The following STXBP4 variants were observed in gnomAD, a reference collection of about 807,000 sequenced individuals.
STXBP4 encodes the protein syntaxin binding protein 4.
In STXBP4, 55 loss-of-function variants were observed where a neutral mutation model predicts 76.1. The ratio of observed to expected loss-of-function variants is 0.72; its 90% CI spans 0.58 to 0.91. STXBP4 has a LOEUF of 0.91. Among genes scored for constraint, STXBP4 ranks in the 40% least tolerant of loss-of-function variants. The pLI, the probability that STXBP4 is intolerant of heterozygous loss-of-function variation, is 0.00. For synonymous variants in STXBP4, 201 were observed against 220.2 expected (o/e 0.91, Z 0.77); for missense variants, 618 against 636.9 (o/e 0.97, Z 0.32).
chr17:55,160,011 A>C lies in STXBP4; in HGVS notation c.*100A>C, dbSNP rs2080323620. 3.0e-6 allele frequency: 2 copies of C among 666,986 alleles called. No homozygotes were observed. The highest frequency in any genetic ancestry group is 2.1e-5 in the South Asian group (1 of 47,282). The allele number at this position is 666,986 out of a possible 1,614,324, so 41.3% of individuals were successfully genotyped here. A position where few individuals can be genotyped will look rare whatever the true frequency, so the allele number is the denominator to read the frequency against. ...AGTCTAAAATAGGAGTAAAGCATGC[A>C]CTACTTGTTGAAGTGTGAAATGGAG... On this transcript the variant is annotated 3_prime_UTR_variant, in exon 18 of 18. Transcript: ENST00000376352.
intron 16 of STXBP4, among the ~76,000 whole-genome samples, chr17:55,124,322 C>T (rs747375974): frequency 6.6e-6 from 1 of 152,170 alleles, no homozygotes; most frequent in African/African-American, 2.4e-5. Flanking sequence ...TCAGGCCTTA[C>T]TTTTGCATGG....
At chr17:54,986,511 C>T (rs1337206659) in intron 3 of STXBP4, among the ~76,000 whole-genome samples, 2 of 152,086 alleles carry the variant, frequency 1.3e-5, no homozygotes, top group South Asian at 2.1e-4. Context: ...CCCAGCTGCT[C>T]GGGAGACTAG....
At chr17:55,058,799 T>G (rs1017003284) in intron 12 of STXBP4, among the ~76,000 whole-genome samples, 30 of 152,186 alleles carry the variant, frequency 2.0e-4, no homozygotes, top group Non-Finnish European at 4.0e-4. Flanking sequence ...TAAAAATGGT[T>G]TTCTTTTTTG....
At chr17:55,154,342 C>T (rs1256487465) in intron 17 of STXBP4, among the ~76,000 whole-genome samples, 4 of 152,182 alleles carry the variant, frequency 2.6e-5, no homozygotes, top group African/African-American at 7.2e-5. Context: ...GTAGTCTCTG[C>T]CTAGGCAGCT....
chr17:55,195,072 A>G, the STXBP4 span, among the ~76,000 whole-genome samples: 1 of 152,346 alleles, frequency 6.6e-6, no homozygotes, highest in South Asian at 2.1e-4. Context: ...GTCCTATTAA[A>G]GCAATGAGTG....
the STXBP4 span, among the ~76,000 whole-genome samples, chr17:55,190,592 T>A: frequency 6.6e-6 from 1 of 152,078 alleles, no homozygotes; most frequent in Non-Finnish European, 1.5e-5. Flanking sequence ...AGTAATTGCA[T>A]AGATGCCAAA....
chr17:55,023,691 A>T (rs2144639854), intron 8 of STXBP4, among the ~76,000 whole-genome samples: 1 of 151,916 alleles, frequency 6.6e-6, no homozygotes, highest in African/African-American at 2.4e-5. Context: ...AGGAAGGAAG[A>T]AAAAAAAGAA....
the STXBP4 span, among the ~76,000 whole-genome samples, chr17:55,186,831 C>A: frequency 6.6e-6 from 1 of 152,144 alleles, no homozygotes; most frequent in African/African-American, 2.4e-5. Flanking sequence ...CTCATTTTCT[C>A]CATTCATTCC....
chr17:55,199,142 A>G, the STXBP4 span, among the ~76,000 whole-genome samples: 1 of 152,258 alleles, frequency 6.6e-6, no homozygotes, highest in African/African-American at 2.4e-5. Context: ...ATGCTGTTTT[A>G]GGTCTACATC....
the STXBP4 span, among the ~76,000 whole-genome samples, chr17:55,198,469 T>A: frequency 6.6e-6 from 1 of 152,084 alleles, no homozygotes; most frequent in Non-Finnish European, 1.5e-5. Context: ...ATAGAGATCT[T>A]AAACTTTAAA....
intron 12 of STXBP4, among the ~76,000 whole-genome samples, chr17:55,051,859 G>T (rs888622234): frequency 3.3e-5 from 5 of 152,090 alleles, no homozygotes; most frequent in African/African-American, 1.2e-4. Context: ...ATATGAACAT[G>T]TATGTACACA....
the STXBP4 span, among the ~76,000 whole-genome samples, chr17:55,212,934 C>G: frequency 1.3e-5 from 2 of 152,122 alleles, no homozygotes; most frequent in Non-Finnish European, 2.9e-5. Flanking sequence ...ACGGAGGACA[C>G]GCATGAACCC....
the STXBP4 span, among the ~76,000 whole-genome samples, chr17:55,194,357 A>G: frequency 6.6e-6 from 1 of 152,180 alleles, no homozygotes; most frequent in Admixed American, 6.5e-5. Flanking sequence ...TGTTGTGTAT[A>G]TATATATAAA....
intron 16 of STXBP4, among the ~76,000 whole-genome samples, chr17:55,091,754 G>C (rs2079417562): frequency 6.6e-6 from 1 of 152,006 alleles, no homozygotes; most frequent in African/African-American, 2.4e-5. Flanking sequence ...TCACAAGTTT[G>C]GTTCACGCAC....
chr17:55,047,741 C>T (rs2078809052), intron 12 of STXBP4, among the ~76,000 whole-genome samples: 1 of 151,608 alleles, frequency 6.6e-6, no homozygotes, highest in Non-Finnish European at 1.5e-5. Context: ...TTTGAATCTC[C>T]CTCACACAGT....
At chr17:55,003,041 T>C (rs1013311695) in intron 7 of STXBP4, among the ~76,000 whole-genome samples, 7 of 152,192 alleles carry the variant, frequency 4.6e-5, no homozygotes, top group Non-Finnish European at 1.0e-4. Flanking sequence ...TGTCACAATA[T>C]GCAGAAATTA....
At chr17:55,055,127 A>G (rs1375818090) in intron 12 of STXBP4, among the ~76,000 whole-genome samples, 2 of 152,176 alleles carry the variant, frequency 1.3e-5, no homozygotes, top group Non-Finnish European at 2.9e-5. Flanking sequence ...TTTGAATACT[A>G]GTTTTGACAT....
At chr17:55,002,787 C>A (rs1376913173) in intron 7 of STXBP4, among the ~76,000 whole-genome samples, 1 of 152,152 alleles carries the variant, frequency 6.6e-6, no homozygotes, top group African/African-American at 2.4e-5. Flanking sequence ...GAAATAGTTA[C>A]AAGTTACAAG....
the STXBP4 span, among the ~76,000 whole-genome samples, chr17:55,186,367 C>T: frequency 5.9e-5 from 9 of 152,036 alleles, no homozygotes; most frequent in Non-Finnish European, 8.8e-5. Flanking sequence ...ACGGAAAAAG[C>T]GATCTTAAGA....
Sources: gnomAD v4.1 joint callset for allele counts (sites outside exome capture counted in the v4.1 genomes callset) on GRCh38, gnomAD v4.1.1 for gene constraint, MANE v1.5 for transcripts, NCBI Gene and HGNC (gene_info 2026-07-23, HGNC 2026-07-21) for gene names.